The following POLN variants were observed in gnomAD, a reference collection of about 807,000 sequenced individuals.
POLN encodes the protein DNA polymerase N.
A neutral mutation model predicts 113.5 loss-of-function variants in POLN; 108 were observed. That is an observed-to-expected ratio of 0.95 (90% CI 0.81 to 1.12). The LOEUF (loss-of-function observed/expected upper bound fraction) is 1.12. Among genes scored for constraint, POLN ranks in the 50% most tolerant of loss-of-function variants. POLN has a pLI of 0.00. For missense variants in POLN, 1,097 were observed against 1,077.1 expected (o/e 1.02, Z -0.26); for synonymous variants, 386 against 391.5 (o/e 0.99, Z 0.17).
chr4:2,095,798 A>G (rs1730774654), intron 20 of POLN, 53 bp downstream of exon 20: 2 of 1,506,304 alleles, frequency 1.3e-6, no homozygotes, highest in Middle Eastern at 1.7e-4. Flanking sequence ...ACAGGCACAC[A>G]GCTGCCAGCT....
At chr4:2,118,163 TA>T (rs1473408272) in intron 19 of POLN, among the ~76,000 whole-genome samples, 1 of 152,206 alleles carries the variant, frequency 6.6e-6, no homozygotes, top group African/African-American at 2.4e-5. Flanking sequence ...CACAAACTTT[TA>T]CCCTTTTTTA....
intron 2 of POLN, chr4:2,230,713 T>A (rs904294657): frequency 6.6e-6 from 1 of 152,102 alleles, no homozygotes; most frequent in African/African-American, 2.4e-5. Flanking sequence ...AGTTTTTAGA[T>A]TGGCATTCCA....
intron 16 of POLN, among the ~76,000 whole-genome samples, chr4:2,142,273 GC>G (rs1732021555): frequency 6.6e-6 from 1 of 152,158 alleles, no homozygotes; most frequent in African/African-American, 2.4e-5. Context: ...TTTATTCTCA[GC>G]TGTAACTCCC....
At chr4:2,106,825 G>A (rs1731077250) in intron 19 of POLN, among the ~76,000 whole-genome samples, 1 of 151,954 alleles carries the variant, frequency 6.6e-6, no homozygotes, top group African/African-American at 2.4e-5. Context: ...TATCTGGCAG[G>A]ACTTGGTCTT....
At chr4:2,156,387 T>C (rs1176122863) in intron 16 of POLN, 1 of 439,710 alleles carries the variant, frequency 2.3e-6, no homozygotes, top group East Asian at 6.9e-5. Context: ...TTTTTTTTTT[T>C]TTTCTTCATC....
At chr4:2,135,379 G>A (rs531484272) in intron 16 of POLN, among the ~76,000 whole-genome samples, 34 of 152,292 alleles carry the variant, frequency 2.2e-4, no homozygotes, top group African/African-American at 4.3e-4. Flanking sequence ...GCTTTTCATG[G>A]CCAATGCTCC....
intron 7 of POLN, among the ~76,000 whole-genome samples, chr4:2,180,060 G>A (rs1733096970): frequency 6.6e-6 from 1 of 152,204 alleles, no homozygotes; most frequent in African/African-American, 2.4e-5. Flanking sequence ...GACAACTAAT[G>A]TGTGGCGCTT....
At chr4:2,220,131 G>A (rs1267106043) in intron 3 of POLN, among the ~76,000 whole-genome samples, 3 of 152,024 alleles carry the variant, frequency 2.0e-5, no homozygotes, top group Non-Finnish European at 2.9e-5. Context: ...TTCACCCCTC[G>A]TTGCACCCCA....
At chr4:2,113,556 C>A (rs1339931594) in intron 19 of POLN, among the ~76,000 whole-genome samples, 1 of 151,582 alleles carries the variant, frequency 6.6e-6, no homozygotes, top group African/African-American at 2.4e-5. Context: ...ATGCTATAAA[C>A]CTTTTTCAAA....
chr4:2,108,941 G>A (rs1044928003), intron 19 of POLN, among the ~76,000 whole-genome samples: 4 of 152,106 alleles, frequency 2.6e-5, no homozygotes, highest in African/African-American at 7.2e-5. Flanking sequence ...CTTTTCCACC[G>A]AGAGTGGTGG....
intron 19 of POLN, among the ~76,000 whole-genome samples, chr4:2,112,259 G>A (rs1731213872): frequency 6.6e-6 from 1 of 151,766 alleles, no homozygotes; most frequent in African/African-American, 2.4e-5. Context: ...AGACTTACAT[G>A]TTAGACCTAA....
At chr4:2,149,746 A>T (rs542289481) in intron 16 of POLN, among the ~76,000 whole-genome samples, 1 of 152,262 alleles carries the variant, frequency 6.6e-6, no homozygotes, top group African/African-American at 2.4e-5. Context: ...TGATTACATC[A>T]CTGTACTCTA....
chr4:2,211,250 A>AAATAATAATAATAATAAT (rs71167780), intron 4 of POLN, among the ~76,000 whole-genome samples: 1 of 139,824 alleles, frequency 7.2e-6, no homozygotes, highest in Non-Finnish European at 1.5e-5. Flanking sequence ...CTCCGTCTCC[A>AAATAATAATAATAATAAT]AATAATAATA....
At chr4:2,228,782 C>T (rs757641909) in intron 3 of POLN, 12 of 241,490 alleles carry the variant, frequency 5.0e-5, no homozygotes, top group Non-Finnish European at 9.6e-5. Context: ...ATAGCAAATA[C>T]TATGTACAGG....
chr4:2,107,030 T>C (rs902070264), intron 19 of POLN, among the ~76,000 whole-genome samples: 3 of 152,124 alleles, frequency 2.0e-5, no homozygotes, highest in African/African-American at 7.2e-5. Flanking sequence ...CAACCTGTCT[T>C]TTCTGTGCTA....
At chr4:2,171,225 C>G in intron 11 of POLN, 44 bp from the exon 12 acceptor site, 1 of 1,542,300 alleles carries the variant, frequency 6.5e-7, no homozygotes, top group Admixed American at 1.8e-5. Context: ...ATAGTTTTCA[C>G]AATTTAAGAT....
intron 16 of POLN, among the ~76,000 whole-genome samples, chr4:2,140,628 A>T (rs192884459): frequency 6.6e-6 from 1 of 152,078 alleles, no homozygotes; most frequent in South Asian, 2.1e-4. Flanking sequence ...TACATCTGTA[A>T]TCCCAGCTAC....
At chr4:2,214,985 G>A (rs989735946) in intron 3 of POLN, among the ~76,000 whole-genome samples, 1 of 151,768 alleles carries the variant, frequency 6.6e-6, no homozygotes, top group Non-Finnish European at 1.5e-5. Context: ...AACAAAAACA[G>A]ATAGGAAATA....
intron 8 of POLN, among the ~76,000 whole-genome samples, chr4:2,177,634 T>C (rs917085224): frequency 1.3e-5 from 2 of 152,248 alleles, no homozygotes; most frequent in African/African-American, 4.8e-5. Flanking sequence ...AAGGCACATG[T>C]ACGTTAACCT....
Sources: gnomAD v4.1 joint callset for allele counts (sites outside exome capture counted in the v4.1 genomes callset) on GRCh38, gnomAD v4.1.1 for gene constraint, MANE v1.5 for transcripts, NCBI Gene and HGNC (gene_info 2026-07-23, HGNC 2026-07-21) for gene names.